RBFOX1: variants seen among roughly 807,000 people sequenced by gnomAD.
The protein encoded by RBFOX1 is RNA binding protein fox-1 homolog 1.
In RBFOX1, 8 loss-of-function variants were observed where a neutral mutation model predicts 57.7. The ratio of observed to expected loss-of-function variants is 0.14; its 90% CI spans 0.08 to 0.25. The LOEUF (loss-of-function observed/expected upper bound fraction) is 0.25, where lower values mean the gene tolerates loss of function less well. Among genes scored for constraint, RBFOX1 ranks in the 10% least tolerant of loss-of-function variants. The probability of loss-of-function intolerance (pLI) is 1.00; values close to 1 mark genes in which losing one functional copy is unlikely to be tolerated. For synonymous variants in RBFOX1, 326 were observed against 222.4 expected, an observed-to-expected ratio of 1.47 and a Z score of -4.15; for missense variants, 611 against 548.5, an observed-to-expected ratio of 1.11 and a Z score of -1.14.
intron 3 of RBFOX1, among the ~76,000 whole-genome samples, chr16:5,793,057 C>G: frequency 6.6e-6 from 1 of 152,208 alleles, no homozygotes; most frequent in African/African-American, 2.4e-5. Flanking sequence ...TTGTGTTGTT[C>G]AAGGGTCAAA....
At chr16:5,691,628 A>G (rs945502314) in intron 3 of RBFOX1, among the ~76,000 whole-genome samples, 10 of 152,204 alleles carry the variant, frequency 6.6e-5, no homozygotes, top group Admixed American at 2.6e-4. Flanking sequence ...TAATCCAAAA[A>G]TCTGAAATGC....
chr16:7,087,747 A>G (rs1397775146), intron 4 of RBFOX1, among the ~76,000 whole-genome samples: 1 of 152,082 alleles, frequency 6.6e-6, no homozygotes, highest in African/African-American at 2.4e-5. Context: ...AAAAGGCAAG[A>G]TTTTCTACCC....
Position 5,485,345 on chromosome 16 carries a change from C to CAAAAAA in RBFOX1, c.258+18109_258+18114dup, listed in dbSNP as rs71142624. On this transcript the variant is annotated intron_variant, in intron 2 of 2. Coordinates refer to the RBFOX1 transcript ENST00000585867. Reference sequence around the variant, plus strand: ...TGGGCGACAGAGCCAGACTCCGTGTCAAAAAAAAAAAAAAAAAAAAAAAGT... The same window carrying CAAAAAA: ...TGGGCGACAGAGCCAGACTCCGTGTCAAAAAAAAAAAAAAAAAAAAAAAAAAAAAGT... 1.5e-4 allele frequency among the ~76,000 whole-genome samples: 8 copies of CAAAAAA among 51,668 alleles called. 1 individual carries two copies. The highest frequency in any genetic ancestry group is 4.8e-4 in the African/African-American group (7 of 14,490). The allele number at this position is 51,668 out of a possible 152,430, so 33.9% of individuals were successfully genotyped here. A position where few individuals can be genotyped will look rare whatever the true frequency, so the allele number is the denominator to read the frequency against.
At chr16:5,451,865 C>T (rs1245208592) in intron 1 of RBFOX1, among the ~76,000 whole-genome samples, 3 of 151,422 alleles carry the variant, frequency 2.0e-5, no homozygotes, top group African/African-American at 7.4e-5. Flanking sequence ...GCCTACAACT[C>T]CCAGCTGCCC....
At chr16:5,958,346 G>C (rs1596301185) in intron 4 of RBFOX1, among the ~76,000 whole-genome samples, 1 of 152,314 alleles carries the variant, frequency 6.6e-6, no homozygotes, top group East Asian at 1.9e-4. Context: ...TAAGGATGTG[G>C]AGATAAGCCT....
intron 3 of RBFOX1, among the ~76,000 whole-genome samples, chr16:6,711,140 T>G (rs1221192699): frequency 1.3e-5 from 2 of 152,232 alleles, no homozygotes; most frequent in Non-Finnish European, 2.9e-5. Context: ...GGAAATCATG[T>G]TGGCTTTAGA....
chr16:5,253,993 AG>A, intron 1 of RBFOX1, among the ~76,000 whole-genome samples: 1 of 64,942 alleles, frequency 1.5e-5, no homozygotes, highest in Non-Finnish European at 3.3e-5. Flanking sequence ...GGTAGACACT[AG>A]CTCAGGTACA....
At chr16:7,397,623 A>G (rs980561237) in intron 4 of RBFOX1, among the ~76,000 whole-genome samples, 2 of 152,210 alleles carry the variant, frequency 1.3e-5, no homozygotes, top group African/African-American at 4.8e-5. Flanking sequence ...ATGTAACATC[A>G]CAAGCGTTGG....
intron 1 of RBFOX1, among the ~76,000 whole-genome samples, chr16:5,392,580 C>A (rs2066443322): frequency 1.3e-5 from 2 of 150,970 alleles, no homozygotes; most frequent in African/African-American, 2.4e-5. Context: ...ATCGTGTCAC[C>A]CAGGCTGGAG....
chr16:6,412,429 T>C (rs2093488738), intron 2 of RBFOX1, among the ~76,000 whole-genome samples: 1 of 152,218 alleles, frequency 6.6e-6, no homozygotes, highest in Non-Finnish European at 1.5e-5. Flanking sequence ...AGAGGATGCC[T>C]GTTTGTTCAA....
intron 4 of RBFOX1, among the ~76,000 whole-genome samples, chr16:5,906,836 G>A (rs2058470940): frequency 7.0e-6 from 1 of 142,546 alleles, no homozygotes. Flanking sequence ...TCGGGGTCAA[G>A]CAATTCTCTT....
chr16:5,362,069 T>TG (rs1186642552), intron 1 of RBFOX1, among the ~76,000 whole-genome samples: 2 of 152,222 alleles, frequency 1.3e-5, no homozygotes, highest in East Asian at 3.8e-4. Context: ...GTAAGAACAT[T>TG]TAACTTAATA....
intron 4 of RBFOX1, among the ~76,000 whole-genome samples, chr16:7,419,076 T>C (rs539340391): frequency 6.6e-6 from 1 of 152,186 alleles, no homozygotes; most frequent in East Asian, 1.9e-4. Context: ...AGATAGTTTT[T>C]TTTGTATTTT....
chr16:6,543,805 C>T (rs1219114541), intron 2 of RBFOX1, among the ~76,000 whole-genome samples: 2 of 151,926 alleles, frequency 1.3e-5, no homozygotes, highest in Non-Finnish European at 2.9e-5. Flanking sequence ...ACTACAGAGT[C>T]TACCCTGGCA....
At chr16:7,274,484 G>C (rs534922569) in intron 4 of RBFOX1, among the ~76,000 whole-genome samples, 2 of 152,172 alleles carry the variant, frequency 1.3e-5, no homozygotes, top group East Asian at 3.9e-4. Flanking sequence ...TCTTAGCTTG[G>C]AGAATACATA....
At chr16:6,750,652 A>G (rs1465116457) in intron 3 of RBFOX1, among the ~76,000 whole-genome samples, 1 of 152,206 alleles carries the variant, frequency 6.6e-6, no homozygotes. Flanking sequence ...ACCTGCAATT[A>G]TGCTGGGACA....
chr16:7,550,157 C>A (rs751566164), intron 5 of RBFOX1, among the ~76,000 whole-genome samples: 12 of 152,096 alleles, frequency 7.9e-5, no homozygotes, highest in Admixed American at 5.9e-4. Context: ...TCTCAAACTT[C>A]TGGCCTCAGG....
At chr16:6,957,050 A>T (rs2153537450) in intron 3 of RBFOX1, among the ~76,000 whole-genome samples, 1 of 139,980 alleles carries the variant, frequency 7.1e-6, no homozygotes, top group East Asian at 1.9e-4. Context: ...TTCCATCGGC[A>T]GAGCAGCCCA....
rs994654439 is a variant in RBFOX1 at position 7,127,063 on chromosome 16, C to T, written c.27+74965C>T. On this transcript the variant is annotated intron_variant, in intron 4 of 15. Transcript: ENST00000550418. ...GACCTAAGAGAAAATCTGGTTGGTC[C>T]TTCCTAGACCCCTTTTGTTTAAACA... Among the ~76,000 whole-genome samples the T allele has an allele frequency of 4.7e-4, 71 of 151,450 alleles. 1 individual carries two copies. The highest frequency in any genetic ancestry group is 1.8e-4 in the Non-Finnish European group (12 of 67,942).
Sources: gnomAD v4.1 joint callset for allele counts (sites outside exome capture counted in the v4.1 genomes callset) on GRCh38, gnomAD v4.1.1 for gene constraint, MANE v1.5 for transcripts, NCBI Gene and HGNC (gene_info 2026-07-23, HGNC 2026-07-21) for gene names.